HIVEP2: variants seen among roughly 807,000 people sequenced by gnomAD.
The protein encoded by HIVEP2 is transcription factor HIVEP2.
A neutral mutation model predicts 180.7 loss-of-function variants in HIVEP2; 14 were observed. That is an observed-to-expected ratio of 0.08 (90% confidence interval 0.05 to 0.12). The LOEUF (loss-of-function observed/expected upper bound fraction) is 0.12. Among genes scored for constraint, HIVEP2 ranks in the 10% least tolerant of loss-of-function variants. The pLI is 1.00. For missense variants in HIVEP2, 2,579 were observed against 3,008.5 expected (o/e 0.86, Z 3.34); for synonymous variants, 1,184 against 1,136.4 (o/e 1.04, Z -0.84).
intron 1 of HIVEP2, among the ~76,000 whole-genome samples, chr6:142,861,255 T>C (rs1322613720): frequency 2.0e-5 from 3 of 152,234 alleles, no homozygotes; most frequent in Non-Finnish European, 4.4e-5. Context: ...AGTAGCAGTC[T>C]TTCCCCATTC....
chr6:142,928,843 A>T (rs557641161), intron 1 of HIVEP2, among the ~76,000 whole-genome samples: 24 of 152,238 alleles, frequency 1.6e-4, no homozygotes, highest in Admixed American at 5.2e-4. Context: ...AACTGCAACC[A>T]CTTCTTTACT....
At chr6:142,783,739 C>A (rs1562515823) in intron 2 of HIVEP2, 124 bp from the exon 3 acceptor site, 1 of 151,794 alleles carries the variant, frequency 6.6e-6, no homozygotes, top group Non-Finnish European at 1.5e-5. Flanking sequence ...AACTGGATCT[C>A]TCAAGAAGCT....
At chr6:142,882,989 A>G (rs1014590466) in intron 1 of HIVEP2, among the ~76,000 whole-genome samples, 1 of 152,180 alleles carries the variant, frequency 6.6e-6, no homozygotes, top group Non-Finnish European at 1.5e-5. Context: ...CTGATCATCT[A>G]TAAGTAATAA....
intron 2 of HIVEP2, among the ~76,000 whole-genome samples, chr6:142,785,970 G>A (rs1398625092): frequency 2.0e-5 from 3 of 152,194 alleles, no homozygotes; most frequent in Non-Finnish European, 2.9e-5. Context: ...GATATCAATT[G>A]CAGCGTTTTT....
chr6:142,935,621 T>G (rs548198301), intron 1 of HIVEP2, among the ~76,000 whole-genome samples: 1 of 152,276 alleles, frequency 6.6e-6, no homozygotes, highest in South Asian at 2.1e-4. Flanking sequence ...AGACAGGACT[T>G]GAGCTCCTGG....
chr6:142,807,529 T>C (rs904499417), intron 2 of HIVEP2, among the ~76,000 whole-genome samples: 2 of 152,148 alleles, frequency 1.3e-5, no homozygotes, highest in Admixed American at 1.3e-4. Flanking sequence ...ATAATGAGTG[T>C]GATATTTCAT....
chr6:142,805,569 GA>G (rs67351587), intron 2 of HIVEP2, among the ~76,000 whole-genome samples: 78,453 of 147,010 alleles, frequency 0.53, 21,470 homozygotes, highest in South Asian at 0.62. Context: ...GAGTTTTACA[GA>G]AAAAAAAAAA....
intron 7 of HIVEP2, among the ~76,000 whole-genome samples, chr6:142,763,337 C>T (rs1483260300): frequency 6.6e-6 from 1 of 152,130 alleles, no homozygotes; most frequent in East Asian, 1.9e-4. Context: ...TCCATCTGTG[C>T]TCAGACGACA....
At chr6:142,923,140 C>T (rs1435484088) in intron 1 of HIVEP2, among the ~76,000 whole-genome samples, 3 of 152,066 alleles carry the variant, frequency 2.0e-5, no homozygotes, top group Admixed American at 1.3e-4. Flanking sequence ...CAAGACCAGC[C>T]TGGCCAAGAT....
chr6:142,792,975 G>C (rs1776176823), intron 2 of HIVEP2, among the ~76,000 whole-genome samples: 1 of 152,080 alleles, frequency 6.6e-6, no homozygotes, highest in Non-Finnish European at 1.5e-5. Flanking sequence ...GATGGGAGCA[G>C]GGAACTAGCT....
At chr6:142,843,448 G>A (rs984905725) in intron 1 of HIVEP2, among the ~76,000 whole-genome samples, 1 of 152,204 alleles carries the variant, frequency 6.6e-6, no homozygotes, top group African/African-American at 2.4e-5. Context: ...GTTCTGTGGG[G>A]ACTAGAGTGG....
At chr6:142,836,324 G>T (rs1431620641) in intron 2 of HIVEP2, among the ~76,000 whole-genome samples, 4 of 152,086 alleles carry the variant, frequency 2.6e-5, no homozygotes, top group African/African-American at 9.7e-5. Context: ...CCAAAGTCCT[G>T]TTCCCACTAA....
intron 1 of HIVEP2, among the ~76,000 whole-genome samples, chr6:142,850,435 G>T (rs996468505): frequency 1.3e-5 from 2 of 152,188 alleles, no homozygotes; most frequent in Admixed American, 6.5e-5. Flanking sequence ...ATAAGGAATC[G>T]CATAACACTG....
intron 1 of HIVEP2, among the ~76,000 whole-genome samples, chr6:142,925,420 C>T (rs1777782195): frequency 6.6e-6 from 1 of 152,170 alleles, no homozygotes; most frequent in Admixed American, 6.5e-5. Context: ...TCTGTACCAA[C>T]ATTTTTGTGC....
At position 142,945,162 on chromosome 6, in the gene HIVEP2, A is replaced by T. The variant is rs1362503291; in HGVS notation, c.-704T>A. The T allele has an allele frequency of 6.7e-6, 1 of 150,056 alleles. No individual in the cohort carries two copies. The highest frequency in any genetic ancestry group is 6.6e-5 in the Admixed American group (1 of 15,134). 9.3% of individuals were successfully genotyped at this position (150,056 alleles called of 1,614,324 possible). A position where few individuals can be genotyped will look rare whatever the true frequency, so the allele number is the denominator to read the frequency against. On this transcript the variant is annotated 5_prime_UTR_variant, in exon 1 of 10. Coordinates refer to ENST00000367603, the MANE Select transcript of HIVEP2 (RefSeq NM_006734.4). The surrounding 1 kb of genome is among the most constrained non-coding windows in gnomAD (Gnocchi z 5.5). The stretch of plus-strand genomic sequence containing the variant: ...GTGGCCGGGCCGTGCGCGCCGGTGC[A>T]CGTCGCTCATTAGTAAGCAGGCACA...
intron 2 of HIVEP2, among the ~76,000 whole-genome samples, chr6:142,802,629 C>G (rs1465615515): frequency 1.3e-5 from 2 of 151,564 alleles, no homozygotes; most frequent in Non-Finnish European, 2.9e-5. Flanking sequence ...ATATGCAAAC[C>G]CAATTTTAAG....
In HIVEP2 at chr6:142,774,775, A is replaced by G; in HGVS notation, c.-37T>C. ...AGGTCTTAAGTGCTAGTTCCCCTGA[A>G]AGCAGTGCAGACTCATGGAGTGTCT... On this transcript the variant is annotated 5_prime_UTR_variant, in exon 5 of 10. Transcript: ENST00000367603. The surrounding 1 kb of genome is among the most constrained non-coding windows in gnomAD (Gnocchi z 5.1). The G allele has an allele frequency of 1.9e-6, 3 of 1,598,546 alleles. No homozygotes were observed. Among genetic ancestry groups the G allele is most frequent in the East Asian group, 2.2e-5 (1 of 44,816 alleles).
intron 1 of HIVEP2, among the ~76,000 whole-genome samples, chr6:142,897,689 G>T (rs550230826): frequency 6.4e-4 from 97 of 152,266 alleles, no homozygotes; most frequent in African/African-American, 1.6e-3. Context: ...TTACCCTTGG[G>T]TTCTAACATA....
At position 142,774,087 on chromosome 6, in the gene HIVEP2, G is replaced by T. The variant is rs1356445545; in HGVS notation, c.652C>A (p.Pro218Thr). 6.2e-7 allele frequency: 1 copy of T among 1,614,054 alleles called. No individual in the cohort carries two copies. The highest frequency in any genetic ancestry group is 8.5e-7 in the Non-Finnish European group (1 of 1,180,036). Residue 218 changes from proline (P) to threonine (T), a missense_variant, in exon 5 of 10, where the codon CCA becomes ACA. Transcript: ENST00000367603. The surrounding 1 kb of genome is among the most constrained non-coding windows in gnomAD (Gnocchi z 5.1). ...IRSHTGERPY[P>T]CIPCGFSFKT... ...AAAGAGAAACCACAAGGTATACATG[G>T]ATATGGCCGCTCCCCAGTATGGGAC...
Sources: allele counts gnomAD v4.1 joint callset (sites outside exome capture counted in the v4.1 genomes callset), GRCh38; gene constraint gnomAD v4.1.1; non-coding constraint Gnocchi (gnomAD v3.1); transcripts MANE v1.5; gene names NCBI Gene and HGNC (gene_info 2026-07-23, HGNC 2026-07-21).